Variants in PKP4 observed in about 807,000 individuals in gnomAD.
The protein encoded by PKP4 is plakophilin 4, also known as plakophilin-4.
In PKP4, 90 loss-of-function variants were observed where a neutral mutation model predicts 145.1. The observed-to-expected ratio is 0.62, with a 90% CI of 0.52 to 0.74. The LOEUF (loss-of-function observed/expected upper bound fraction) is 0.74, where lower values mean the gene tolerates loss of function less well. Among genes scored for constraint, PKP4 ranks in the 30% least tolerant of loss-of-function variants. The pLI, the probability that PKP4 is intolerant of heterozygous loss-of-function variation, is 0.00. For synonymous variants in PKP4, 563 were observed against 577.2 expected, an observed-to-expected ratio of 0.98 and a Z score of 0.35; for missense variants, 1,340 against 1,482.7, an observed-to-expected ratio of 0.90 and a Z score of 1.58.
At chr2:158,476,518 AC>A (rs1692505428) in intron 1 of PKP4, among the ~76,000 whole-genome samples, 1 of 151,638 alleles carries the variant, frequency 6.6e-6, no homozygotes, top group African/African-American at 2.4e-5. Flanking sequence ...TTTTCTAGAG[AC>A]AGAATTTCGC....
chr2:158,576,796 AT>A (rs1036227851), intron 2 of PKP4, among the ~76,000 whole-genome samples: 1 of 123,892 alleles, frequency 8.1e-6, no homozygotes, highest in South Asian at 3.2e-4. Flanking sequence ...CATTGGAATC[AT>A]TTTTTTTCTT....
intron 11 of PKP4, among the ~76,000 whole-genome samples, chr2:158,657,860 A>G (rs2056143540): frequency 6.6e-6 from 1 of 152,114 alleles, no homozygotes; most frequent in African/African-American, 2.4e-5. Flanking sequence ...TGCAAAATCC[A>G]CAGTCACCTT....
chr2:158,502,415 T>C (rs144383930), intron 1 of PKP4, among the ~76,000 whole-genome samples: 2 of 152,284 alleles, frequency 1.3e-5, no homozygotes, highest in East Asian at 3.9e-4. Flanking sequence ...ATTCCCAAAT[T>C]AGTGCCCTGG....
chr2:158,482,908 A>G (rs1381252938), intron 1 of PKP4, among the ~76,000 whole-genome samples: 1 of 151,966 alleles, frequency 6.6e-6, no homozygotes, highest in African/African-American at 2.4e-5. Context: ...GTATACCTGT[A>G]TGTGTTATTA....
intron 2 of PKP4, among the ~76,000 whole-genome samples, chr2:158,561,330 A>C (rs1275711126): frequency 1.3e-5 from 2 of 152,204 alleles, no homozygotes; most frequent in Non-Finnish European, 2.9e-5. Context: ...TAGAACAAAA[A>C]TCTGTGATAA....
intron 19 of PKP4, among the ~76,000 whole-genome samples, chr2:158,675,446 C>G (rs1233903831): frequency 6.6e-6 from 1 of 152,158 alleles, no homozygotes; most frequent in Non-Finnish European, 1.5e-5. Flanking sequence ...ATCATTAGCA[C>G]ATAGTTACTG....
chr2:158,556,008 C>T (rs1225642615), intron 2 of PKP4, among the ~76,000 whole-genome samples: 6 of 152,076 alleles, frequency 3.9e-5, no homozygotes, highest in Admixed American at 3.3e-4. Context: ...TATATTCTGT[C>T]ATAATTAACA....
chr2:158,622,178 C>T (rs1298366347), intron 6 of PKP4, among the ~76,000 whole-genome samples: 1 of 152,170 alleles, frequency 6.6e-6, no homozygotes, highest in Non-Finnish European at 1.5e-5. Flanking sequence ...ACCATCATCA[C>T]TGGAATTATT....
At chr2:158,649,132 G>A (rs558693421) in intron 11 of PKP4, among the ~76,000 whole-genome samples, 1 of 152,250 alleles carries the variant, frequency 6.6e-6, no homozygotes, top group South Asian at 2.1e-4. Flanking sequence ...ATTATGAATA[G>A]ACCAATTCTC....
intron 21 of PKP4, 81 bp from the exon 22 acceptor site, chr2:158,680,348 A>C (rs1575168388): frequency 9.8e-7 from 1 of 1,021,316 alleles, no homozygotes; most frequent in African/African-American, 1.6e-5. Context: ...AATATGAAGC[A>C]GGAAGCCCAC....
intron 13 of PKP4, 153 bp from the exon 14 acceptor site, chr2:158,662,744 C>A: frequency 1.7e-6 from 1 of 600,244 alleles, no homozygotes. Context: ...ACTCTAGAAT[C>A]ATAATTCTCT....
At chr2:158,590,662 G>A (rs951558200) in intron 3 of PKP4, among the ~76,000 whole-genome samples, 1 of 152,058 alleles carries the variant, frequency 6.6e-6, no homozygotes, top group Non-Finnish European at 1.5e-5. Context: ...AACTGAAATA[G>A]TATTATATCA....
intron 2 of PKP4, among the ~76,000 whole-genome samples, chr2:158,537,591 G>T (rs1174512083): frequency 6.6e-6 from 1 of 152,188 alleles, no homozygotes; most frequent in Admixed American, 6.5e-5. Flanking sequence ...AGATTCTACT[G>T]TTCAGCTCAA....
Position 158,553,857 on chromosome 2 carries a change from CT to C in PKP4, c.132+20542del, listed in dbSNP as rs1441077797. On this transcript the variant is annotated intron_variant, in intron 2 of 21. Transcript: ENST00000389759. Reference sequence around the variant, plus strand: ...AGGATGTATTATACTCAAGTCTCCCCTGTACCTGATTTGGATGTTTAGATGA... The same window carrying C: ...AGGATGTATTATACTCAAGTCTCCCCGTACCTGATTTGGATGTTTAGATGA... 5.3e-5 allele frequency among the ~76,000 whole-genome samples: 8 copies of C among 152,240 alleles called. No individual in the cohort carries two copies. In the East Asian group the frequency reaches 1.4e-3, roughly 26 times the overall value.
intron 1 of PKP4, among the ~76,000 whole-genome samples, chr2:158,480,704 A>G (rs909407909): frequency 1.3e-5 from 2 of 152,206 alleles, no homozygotes; most frequent in Non-Finnish European, 2.9e-5. Context: ...TGAAGTGCAT[A>G]TTACAATTGA....
chr2:158,488,774 G>T (rs1694530380), intron 1 of PKP4, among the ~76,000 whole-genome samples: 1 of 152,164 alleles, frequency 6.6e-6, no homozygotes, highest in African/African-American at 2.4e-5. Flanking sequence ...ATATCTCAGT[G>T]TTACCAAGGA....
intron 1 of PKP4, among the ~76,000 whole-genome samples, chr2:158,502,775 T>C (rs1215916273): frequency 6.6e-6 from 1 of 152,252 alleles, no homozygotes; most frequent in African/African-American, 2.4e-5. Flanking sequence ...TTAATGGTGA[T>C]GCAGAATATT....
At chr2:158,508,497 C>T (rs763691877) in intron 1 of PKP4, among the ~76,000 whole-genome samples, 3 of 151,776 alleles carry the variant, frequency 2.0e-5, no homozygotes, top group Non-Finnish European at 4.4e-5. Flanking sequence ...TTATAATTGA[C>T]ATATAGGTAG....
chr2:158,472,085 A>G (rs1413359256), intron 1 of PKP4, among the ~76,000 whole-genome samples: 3 of 152,218 alleles, frequency 2.0e-5, no homozygotes, highest in Non-Finnish European at 4.4e-5. Context: ...GAGATCAAGG[A>G]ATCTATTGCA....
Sources: allele counts gnomAD v4.1 joint callset (sites outside exome capture counted in the v4.1 genomes callset), GRCh38; gene constraint gnomAD v4.1.1; transcripts MANE v1.5; gene names NCBI Gene and HGNC (gene_info 2026-07-23, HGNC 2026-07-21).